Variants in GLIS3 observed in about 807,000 individuals in gnomAD.
The protein encoded by GLIS3 is GLIS family zinc finger 3.
A neutral mutation model predicts 78.6 loss-of-function variants in GLIS3; 53 were observed. The observed-to-expected ratio is 0.67, with a 90% CI of 0.54 to 0.85. The LOEUF (loss-of-function observed/expected upper bound fraction) is 0.85. Ranked by LOEUF, GLIS3 falls within the 40% of genes least tolerant of loss-of-function variation. The pLI, the probability that GLIS3 is intolerant of heterozygous loss-of-function variation, is 0.00. For missense variants in GLIS3, 1,703 were observed against 1,231.1 expected (o/e 1.38, Z -5.74); for synonymous variants, 684 against 509.9 (o/e 1.34, Z -4.60).
intron 6 of GLIS3, among the ~76,000 whole-genome samples, chr9:3,915,833 T>C (rs1018685117): frequency 9.8e-5 from 15 of 152,300 alleles, no homozygotes; most frequent in Middle Eastern, 3.4e-3. Context: ...GAAATAAATT[T>C]ATCAAAGAAA....
intron 4 of GLIS3, among the ~76,000 whole-genome samples, chr9:4,109,522 G>A (rs1027415952): frequency 6.6e-6 from 1 of 152,214 alleles, no homozygotes; most frequent in African/African-American, 2.4e-5. Context: ...CAAGAGATAT[G>A]TTTTAATGAG....
chr9:4,402,617 A>C, the GLIS3 span, among the ~76,000 whole-genome samples: 1 of 152,212 alleles, frequency 6.6e-6, no homozygotes, highest in Non-Finnish European at 1.5e-5. Context: ...TAAATTTAAC[A>C]AAAAGATTGA....
At chr9:4,175,866 T>C (rs1303837323) in intron 2 of GLIS3, among the ~76,000 whole-genome samples, 1 of 152,182 alleles carries the variant, frequency 6.6e-6, no homozygotes, top group East Asian at 1.9e-4. Context: ...ATCATCCTCA[T>C]TTGACAGATG....
intron 2 of GLIS3, among the ~76,000 whole-genome samples, chr9:4,235,101 A>T (rs1403600666): frequency 6.6e-6 from 1 of 152,088 alleles, no homozygotes; most frequent in African/African-American, 2.4e-5. Flanking sequence ...GATCGAGACC[A>T]TCCTGGCTAA....
chr9:4,245,159 T>A (rs1316388609), intron 2 of GLIS3, among the ~76,000 whole-genome samples: 1 of 152,214 alleles, frequency 6.6e-6, no homozygotes, highest in African/African-American at 2.4e-5. Flanking sequence ...CATGTTTTCT[T>A]AATGATCTGA....
chr9:4,014,861 G>C (rs1822313810), intron 4 of GLIS3, among the ~76,000 whole-genome samples: 2 of 152,132 alleles, frequency 1.3e-5, no homozygotes, highest in African/African-American at 4.8e-5. Context: ...GCAGAGCTAG[G>C]ACAATTCAAC....
intron 4 of GLIS3, among the ~76,000 whole-genome samples, chr9:4,062,058 T>C (rs1826699112): frequency 6.6e-6 from 1 of 152,230 alleles, no homozygotes; most frequent in Admixed American, 6.5e-5. Context: ...CTGGACACAA[T>C]TTCATTACCA....
chr9:4,273,715 G>A (rs1826732940), intron 2 of GLIS3, among the ~76,000 whole-genome samples: 1 of 152,234 alleles, frequency 6.6e-6, no homozygotes, highest in Non-Finnish European at 1.5e-5. Context: ...GTGTGCCAGA[G>A]ATTTCCACAC....
At chr9:4,056,549 A>G (rs1826168408) in intron 4 of GLIS3, among the ~76,000 whole-genome samples, 1 of 152,214 alleles carries the variant, frequency 6.6e-6, no homozygotes, top group South Asian at 2.1e-4. Flanking sequence ...GAGACTTTCT[A>G]CGAAGCCAGA....
the GLIS3 span, among the ~76,000 whole-genome samples, chr9:4,463,087 T>C: frequency 1.7e-3 from 257 of 152,342 alleles, 1 homozygote; most frequent in African/African-American, 6.0e-3. Flanking sequence ...TTACTGACTG[T>C]ATGCAGAATC....
chr9:3,845,555 T>C (rs1362796509), intron 9 of GLIS3, among the ~76,000 whole-genome samples: 1 of 152,206 alleles, frequency 6.6e-6, no homozygotes, highest in Non-Finnish European at 1.5e-5. Context: ...ATTTTTCTTT[T>C]ATAATATAAA....
intron 4 of GLIS3, among the ~76,000 whole-genome samples, chr9:4,038,681 T>A (rs919886132): frequency 6.6e-5 from 10 of 152,238 alleles, no homozygotes; most frequent in Non-Finnish European, 1.3e-4. Flanking sequence ...ACTGGCCCTT[T>A]GGTAAGTGAC....
At chr9:4,383,936 AC>A in the GLIS3 span, among the ~76,000 whole-genome samples, 1 of 152,230 alleles carries the variant, frequency 6.6e-6, no homozygotes, top group Admixed American at 6.5e-5. Context: ...GAGAGCACGA[AC>A]CCCTCAATTC....
intron 9 of GLIS3, among the ~76,000 whole-genome samples, chr9:3,850,393 G>C (rs1819354838): frequency 6.6e-6 from 1 of 152,220 alleles, no homozygotes; most frequent in African/African-American, 2.4e-5. Flanking sequence ...GCTAGGCTGA[G>C]GACGTTTTTG....
At chr9:4,060,188 T>A (rs781432803) in intron 4 of GLIS3, among the ~76,000 whole-genome samples, 21 of 152,172 alleles carry the variant, frequency 1.4e-4, no homozygotes, top group Non-Finnish European at 2.5e-4. Flanking sequence ...CTCAGTGGAA[T>A]TCCCATATCT....
chr9:4,236,644 G>C (rs1435588208), intron 2 of GLIS3, among the ~76,000 whole-genome samples: 3 of 152,054 alleles, frequency 2.0e-5, no homozygotes, highest in African/African-American at 4.8e-5. Flanking sequence ...ATTCACTTCA[G>C]GGTTACCGTC....
At chr9:3,893,307 TAACATG>T (rs1822588392) in intron 7 of GLIS3, among the ~76,000 whole-genome samples, 1 of 152,086 alleles carries the variant, frequency 6.6e-6, no homozygotes, top group Admixed American at 6.6e-5. Context: ...CATGAAAAAC[TAACATG>T]AATACAAGGG....
At chr9:4,477,375 G>C in the GLIS3 span, among the ~76,000 whole-genome samples, 1 of 150,202 alleles carries the variant, frequency 6.7e-6, no homozygotes, top group East Asian at 2.0e-4. Context: ...AGTGGGGTGG[G>C]GGTGGGAGGT....
At chr9:3,934,502 C>A (rs1000551332) in intron 5 of GLIS3, among the ~76,000 whole-genome samples, 1 of 151,740 alleles carries the variant, frequency 6.6e-6, no homozygotes, top group African/African-American at 2.4e-5. Flanking sequence ...CTCCGCCTCC[C>A]GAGTTTAAGC....
Sources: allele counts gnomAD v4.1 joint callset (sites outside exome capture counted in the v4.1 genomes callset), GRCh38; gene constraint gnomAD v4.1.1; transcripts MANE v1.5; gene names NCBI Gene and HGNC (gene_info 2026-07-23, HGNC 2026-07-21).